Variants in SLC38A11 observed in about 807,000 individuals in gnomAD.
SLC38A11 encodes solute carrier family 38 member 11, also known as putative sodium-coupled neutral amino acid transporter 11.
Under a neutral mutation model 49.4 loss-of-function variants are expected in SLC38A11, and 51 were observed. The ratio of observed to expected loss-of-function variants is 1.03; its 90% confidence interval spans 0.83 to 1.30. SLC38A11 has a LOEUF of 1.30. SLC38A11 is among the 50% of genes most tolerant of loss of function. The pLI, the probability that SLC38A11 is intolerant of heterozygous loss-of-function variation, is 0.00. For synonymous variants in SLC38A11, 203 were observed against 192.9 expected (o/e 1.05, Z -0.43); for missense variants, 574 against 556.2 (o/e 1.03, Z -0.32).
At chr2:164,931,327 T>C (rs1036090305) in intron 7 of SLC38A11, among the ~76,000 whole-genome samples, 5 of 151,438 alleles carry the variant, frequency 3.3e-5, no homozygotes, top group African/African-American at 4.9e-5. Context: ...GAATCAATAT[T>C]GTTAAAATGG....
intron 7 of SLC38A11, among the ~76,000 whole-genome samples, chr2:164,935,081 T>A (rs1573971104): frequency 6.6e-6 from 1 of 152,154 alleles, no homozygotes; most frequent in African/African-American, 2.4e-5. Context: ...CTGATGGGGA[T>A]AGATCATTAA....
intron 2 of SLC38A11, chr2:164,953,383 G>A (rs751461): frequency 0.44 from 66,834 of 152,048 alleles, 15,121 homozygotes; most frequent in South Asian, 0.68. Flanking sequence ...CACAGTTAAC[G>A]TATTTCCAGT....
At chr2:164,934,015 T>A (rs1687187929) in intron 7 of SLC38A11, among the ~76,000 whole-genome samples, 1 of 152,132 alleles carries the variant, frequency 6.6e-6, no homozygotes. Context: ...GTCAGACAGA[T>A]GTAGGCCACA....
At chr2:164,947,737 C>A (rs1279984685) in intron 3 of SLC38A11, among the ~76,000 whole-genome samples, 1 of 152,190 alleles carries the variant, frequency 6.6e-6, no homozygotes, top group African/African-American at 2.4e-5. Context: ...TCTTATTAAT[C>A]ATTAAATTAT....
At chr2:164,915,348 A>T in intron 8 of SLC38A11, 75 bp from the exon 9 acceptor site, 1 of 1,329,290 alleles carries the variant, frequency 7.5e-7, no homozygotes, top group Non-Finnish European at 1.0e-6. Context: ...ATTCAGAGAT[A>T]TATACTACTT....
chr2:164,938,733 G>A (rs1375040382), intron 6 of SLC38A11, among the ~76,000 whole-genome samples: 1 of 152,038 alleles, frequency 6.6e-6, no homozygotes, highest in Non-Finnish European at 1.5e-5. Flanking sequence ...TCAGCCAAAC[G>A]TTGGATTTTT....
At chr2:164,952,428 C>A (rs1307159595) in intron 3 of SLC38A11, among the ~76,000 whole-genome samples, 2 of 152,228 alleles carry the variant, frequency 1.3e-5, no homozygotes, top group African/African-American at 4.8e-5. Context: ...TTTAAAATGA[C>A]TTCCCCATCT....
intron 2 of SLC38A11, among the ~76,000 whole-genome samples, chr2:164,953,560 A>G (rs1688661807): frequency 6.6e-6 from 1 of 152,166 alleles, no homozygotes; most frequent in African/African-American, 2.4e-5. Context: ...TGGTACATGG[A>G]GGTAGAATTG....
intron 5 of SLC38A11, among the ~76,000 whole-genome samples, chr2:164,940,715 T>A (rs1324313411): frequency 1.3e-5 from 2 of 150,366 alleles, no homozygotes; most frequent in Admixed American, 1.3e-4. Context: ...TTATTAGTAT[T>A]TTCTATATAT....
chr2:164,948,830 T>C (rs1688312310), intron 3 of SLC38A11, among the ~76,000 whole-genome samples: 1 of 151,974 alleles, frequency 6.6e-6, no homozygotes, highest in Non-Finnish European at 1.5e-5. Context: ...AAATCACTTG[T>C]TCAGTTGCAT....
At chr2:164,912,781 G>A (rs1045069429) in intron 9 of SLC38A11, among the ~76,000 whole-genome samples, 4 of 151,964 alleles carry the variant, frequency 2.6e-5, no homozygotes, top group African/African-American at 7.2e-5. Context: ...TTCTTATTTA[G>A]AGACTATATT....
chr2:164,918,153 C>T (rs1017671562), intron 7 of SLC38A11, among the ~76,000 whole-genome samples: 1 of 150,936 alleles, frequency 6.6e-6, no homozygotes, highest in Non-Finnish European at 1.5e-5. Flanking sequence ...TGATACTCAA[C>T]CTGGATGGAA....
rs12692750 is a variant in SLC38A11 at position 164,897,253 on chromosome 2, G to C, written c.*1184C>G. 0.77 allele frequency: 116,858 copies of C among 152,062 alleles called. 45,792 individuals are homozygous for C. Among genetic ancestry groups the C allele is most frequent in the Non-Finnish European group, 0.85 (57,658 of 68,004 alleles). 9.4% of individuals were successfully genotyped at this position (152,062 alleles called of 1,614,324 possible). A position where few individuals can be genotyped will look rare whatever the true frequency, so the allele number is the denominator to read the frequency against. ...GACAAAGCTATCAGTAGACCACCTC[G>C]AGCTCTCAGTTCCTTTAGGGTTTGC... On this transcript the variant is annotated 3_prime_UTR_variant, in exon 12 of 12. Coordinates refer to ENST00000685975, the MANE Select transcript of SLC38A11 (RefSeq NM_001351537.2).
rs988021350 is a variant in SLC38A11, at chr2:164,923,637, TA to T, written c.618-7665del. Among the ~76,000 whole-genome samples, 7 of 147,670 alleles carry T rather than the reference TA, an allele frequency of 4.7e-5. 1 individual carries two copies. Among genetic ancestry groups the T allele is most frequent in the Admixed American group, 2.0e-4 (3 of 14,810 alleles). ...TAACTGGGACCCCATCTCTACAAAATAAAAAAAAAATTAGCCACGCGTGGTG... is the reference window on the plus strand; with the variant it reads ...TAACTGGGACCCCATCTCTACAAAATAAAAAAAAATTAGCCACGCGTGGTG... On this transcript the variant is annotated intron_variant, in intron 7 of 11. Coordinates refer to ENST00000685975, the MANE Select transcript of SLC38A11 (RefSeq NM_001351537.2).
chr2:164,938,370 A>G (rs1374110045), intron 6 of SLC38A11, among the ~76,000 whole-genome samples: 1 of 152,120 alleles, frequency 6.6e-6, no homozygotes, highest in Non-Finnish European at 1.5e-5. Context: ...TGCTTTGCTC[A>G]TGGAGTGATT....
chr2:164,942,142 T>C (rs1008029104), intron 5 of SLC38A11, among the ~76,000 whole-genome samples: 1 of 152,044 alleles, frequency 6.6e-6, no homozygotes, highest in African/African-American at 2.4e-5. Context: ...TTTAAATTAG[T>C]AATTCTCTTT....
intron 7 of SLC38A11, among the ~76,000 whole-genome samples, chr2:164,927,480 A>G (rs1573948012): frequency 6.6e-6 from 1 of 152,160 alleles, no homozygotes; most frequent in East Asian, 1.9e-4. Context: ...GTTTTGGAGA[A>G]AATTATCAAA....
At chr2:164,917,824 A>T (rs1425864904) in intron 7 of SLC38A11, among the ~76,000 whole-genome samples, 1 of 151,894 alleles carries the variant, frequency 6.6e-6, no homozygotes, top group Non-Finnish European at 1.5e-5. Flanking sequence ...TTCCATTTAA[A>T]TTTTTTCCCT....
rs1684370321 is a variant in SLC38A11, at chr2:164,895,934, A to G, written c.*2503T>C. Among the ~76,000 whole-genome samples, 1 of 152,196 alleles carries G rather than the reference A, an allele frequency of 6.6e-6. No homozygotes were observed. The highest frequency in any genetic ancestry group is 2.4e-5 in the African/African-American group (1 of 41,454). ...TTGCTAGATGTTCTCATTTGTGTGTAAAGATGTGATTCTTGCCTACCACCA... is the reference window on the plus strand; with the variant it reads ...TTGCTAGATGTTCTCATTTGTGTGTGAAGATGTGATTCTTGCCTACCACCA... On this transcript the variant is annotated 3_prime_UTR_variant, in exon 12 of 12. Transcript: ENST00000685975.
Sources: gnomAD v4.1 joint callset for allele counts (sites outside exome capture counted in the v4.1 genomes callset) on GRCh38, gnomAD v4.1.1 for gene constraint, MANE v1.5 for transcripts, NCBI Gene and HGNC (gene_info 2026-07-23, HGNC 2026-07-21) for gene names.